IRAK3: variants seen among roughly 807,000 people sequenced by gnomAD.
The protein encoded by IRAK3 is interleukin 1 receptor associated kinase 3.
In IRAK3, 57 loss-of-function variants were observed where a neutral mutation model predicts 56.6. That is an observed-to-expected ratio of 1.01 (90% CI 0.81 to 1.26). The LOEUF is 1.26. IRAK3 is among the 50% of genes most tolerant of loss of function. The probability of loss-of-function intolerance (pLI) is 0.00; values close to 1 mark genes in which losing one functional copy is unlikely to be tolerated. For missense variants in IRAK3, 703 were observed against 719.0 expected, an observed-to-expected ratio of 0.98 and a Z score of 0.25; for synonymous variants, 258 against 255.7, an observed-to-expected ratio of 1.01 and a Z score of -0.09.
rs2053048387 is a variant in IRAK3, at chr12:66,247,635, A to G, written c.1315-60A>G. 41 of 1,052,234 alleles carry G rather than the reference A, an allele frequency of 3.9e-5. No individual in the cohort carries two copies. The South Asian group carries it at 4.2e-4, about 11-fold the overall frequency. 65.2% of individuals were successfully genotyped at this position (1,052,234 alleles called of 1,614,324 possible). On this transcript the variant is annotated intron_variant, in intron 11 of 11. Coordinates refer to ENST00000261233, the MANE Select transcript of IRAK3 (RefSeq NM_007199.3). ...ATATTCTTTATAGGTAGAGTGATAAAAGGTAAAAGGAAAGATTATTCAAAC... is the reference window on the plus strand; with the variant it reads ...ATATTCTTTATAGGTAGAGTGATAAGAGGTAAAAGGAAAGATTATTCAAAC...
At chr12:66,212,351 G>T (rs2052621154) in intron 5 of IRAK3, among the ~76,000 whole-genome samples, 1 of 152,164 alleles carries the variant, frequency 6.6e-6, no homozygotes, top group Admixed American at 6.5e-5. Flanking sequence ...AACAGAGTAG[G>T]AGGTCAGAAG....
At position 66,204,778 on chromosome 12, in the gene IRAK3, G is replaced by GCACACA. The variant is rs59511601; in HGVS notation, c.316+922_316+927dup. Among the ~76,000 whole-genome samples, 1,357 of 147,870 alleles carry GCACACA rather than the reference G, an allele frequency of 9.2e-3. 13 individuals carry two copies. Among genetic ancestry groups the GCACACA allele is most frequent in the South Asian group, 0.036 (164 of 4,570 alleles). On this transcript the variant is annotated intron_variant, in intron 2 of 11. Coordinates refer to ENST00000261233, the MANE Select transcript of IRAK3 (RefSeq NM_007199.3). ...ATATTTAGTGCGCATGAGCCCTTGCGCACACACACACACACACACACACAC... is the reference window on the plus strand; with the variant it reads ...ATATTTAGTGCGCATGAGCCCTTGCGCACACACACACACACACACACACACACACAC...
At chr12:66,227,068 C>G (rs188717932) in intron 7 of IRAK3, among the ~76,000 whole-genome samples, 17 of 152,258 alleles carry the variant, frequency 1.1e-4, no homozygotes, top group Admixed American at 1.1e-3. Flanking sequence ...ATGTTGGGTT[C>G]TTACTCATTA....
intron 7 of IRAK3, 94 bp downstream of exon 7, chr12:66,226,931 T>C: frequency 1.3e-6 from 1 of 785,594 alleles, no homozygotes; most frequent in South Asian, 1.4e-5. Flanking sequence ...AGGCAAGATG[T>C]GTTTGCATGA....
chr12:66,217,650 A>G (rs958295871), intron 6 of IRAK3, among the ~76,000 whole-genome samples: 1 of 152,028 alleles, frequency 6.6e-6, no homozygotes, highest in Non-Finnish European at 1.5e-5. Flanking sequence ...TGTGCATATT[A>G]TTTTTCTGGA....
intron 8 of IRAK3, among the ~76,000 whole-genome samples, chr12:66,241,324 G>A (rs975907362): frequency 6.6e-6 from 1 of 152,146 alleles, no homozygotes; most frequent in East Asian, 1.9e-4. Context: ...CCATGGATAT[G>A]GGTCAAAGAT....
chr12:66,225,047 C>T (rs545615878), intron 6 of IRAK3, among the ~76,000 whole-genome samples: 6 of 152,176 alleles, frequency 3.9e-5, no homozygotes, highest in Middle Eastern at 3.4e-3. Flanking sequence ...CTAAAGTATC[C>T]GTTTTTCTGT....
intron 8 of IRAK3, chr12:66,235,216 C>G: frequency 6.2e-7 from 1 of 1,611,972 alleles, no homozygotes; most frequent in Non-Finnish European, 8.5e-7. Flanking sequence ...GGACCAGAGA[C>G]TGCTGCTTGC....
At chr12:66,208,093 T>G (rs1273654491) in intron 2 of IRAK3, among the ~76,000 whole-genome samples, 1 of 152,238 alleles carries the variant, frequency 6.6e-6, no homozygotes, top group Non-Finnish European at 1.5e-5. Flanking sequence ...GCTTTCTTGC[T>G]AGTTTTCTAA....
At chr12:66,243,543 A>G (rs1347737999) in intron 8 of IRAK3, among the ~76,000 whole-genome samples, 3 of 152,198 alleles carry the variant, frequency 2.0e-5, no homozygotes, top group Non-Finnish European at 4.4e-5. Context: ...CCTCCTTCTC[A>G]ATATCCATCT....
chr12:66,200,034 G>T (rs1266922805), intron 1 of IRAK3, among the ~76,000 whole-genome samples: 1 of 152,188 alleles, frequency 6.6e-6, no homozygotes, highest in Non-Finnish European at 1.5e-5. Flanking sequence ...ACTCAATGAT[G>T]TCAGACATTT....
intron 5 of IRAK3, among the ~76,000 whole-genome samples, chr12:66,213,716 C>T (rs780077703): frequency 6.0e-5 from 9 of 150,800 alleles, no homozygotes; most frequent in East Asian, 1.9e-4. Context: ...TGTGTGGGAA[C>T]GCCTTACTTT....
In IRAK3 at chr12:66,210,155, C is replaced by T; in HGVS notation, c.390C>T (p.Ala130=). 1 of 1,595,022 alleles carries T rather than the reference C, an allele frequency of 6.3e-7. No homozygotes were observed. The highest frequency in any genetic ancestry group is 8.6e-7 in the Non-Finnish European group (1 of 1,162,786). ...TATATTTCTTCTCTTAGGAAACAGCCAATGTCACCGTGGATAATGTTCTTA... is the reference window on the plus strand; with the variant it reads ...TATATTTCTTCTCTTAGGAAACAGCTAATGTCACCGTGGATAATGTTCTTA... ...GFPNILFKET[A]NVTVDNVLIP... is the part of the protein sequence containing the mutation. Residue 130 remains alanine, a synonymous_variant, in exon 4 of 12, where the codon GCC becomes GCT. Transcript: ENST00000261233.
intron 6 of IRAK3, among the ~76,000 whole-genome samples, chr12:66,223,760 C>T (rs943416419): frequency 1.3e-5 from 2 of 149,376 alleles, no homozygotes; most frequent in Admixed American, 1.3e-4. Flanking sequence ...GTCACCTAGG[C>T]TGGGGTGCAG....
At chr12:66,189,475 C>T in intron 1 of IRAK3, 43 bp downstream of exon 1, 2 of 1,136,168 alleles carry the variant, frequency 1.8e-6, no homozygotes, top group Non-Finnish European at 2.2e-6. Context: ...GGGAGCCCAG[C>T]GCGCCGCGGG....
At chr12:66,202,637 C>T (rs2136918444) in intron 1 of IRAK3, among the ~76,000 whole-genome samples, 1 of 151,374 alleles carries the variant, frequency 6.6e-6, no homozygotes, top group Middle Eastern at 3.4e-3. Flanking sequence ...AAAAAACCCA[C>T]ACAAATACAA....
In IRAK3 at chr12:66,248,220, G is replaced by A. The variant is rs1269621896; in HGVS notation, c.*49G>A. On this transcript the variant is annotated 3_prime_UTR_variant, in exon 12 of 12. Coordinates refer to ENST00000261233, the MANE Select transcript of IRAK3 (RefSeq NM_007199.3). ...AAGCAAGTATTGCATAGGCACCTGA[G>A]CATAGGTATGACCTTGGGAAGACAT... 1.5e-6 allele frequency: 2 copies of A among 1,340,840 alleles called. No homozygotes were observed. Among genetic ancestry groups the A allele is most frequent in the Non-Finnish European group, 2.1e-6 (2 of 933,676 alleles). The allele number at this position is 1,340,840 out of a possible 1,614,324, so 83.1% of individuals were successfully genotyped here. A position where few individuals can be genotyped will look rare whatever the true frequency, so the allele number is the denominator to read the frequency against.
intron 2 of IRAK3, 28 bp downstream of exon 2, chr12:66,203,921 C>CTTATAATCCT: frequency 6.3e-7 from 1 of 1,575,550 alleles, no homozygotes; most frequent in Non-Finnish European, 8.7e-7. Context: ...TAATGTGGCT[C>CTTATAATCCT]TTAATCTGTA....
rs1285286182 is a variant in IRAK3, at chr12:66,250,232, A to G, written c.*2061A>G. 2 of 152,224 alleles carry G rather than the reference A, an allele frequency of 1.3e-5. No homozygotes were observed. Among genetic ancestry groups the G allele is most frequent in the Non-Finnish European group, 2.9e-5 (2 of 68,036 alleles). The allele number at this position is 152,224 out of a possible 1,614,324, so 9.4% of individuals were successfully genotyped here. On this transcript the variant is annotated 3_prime_UTR_variant, in exon 12 of 12. Coordinates refer to ENST00000261233, the MANE Select transcript of IRAK3 (RefSeq NM_007199.3). Reference sequence around the variant, plus strand: ...TTCCTCTCCAAGGAGCTTGTAATAGAAGGGTAAACCTCTAGTTTCTTGTCC... The same window carrying G: ...TTCCTCTCCAAGGAGCTTGTAATAGGAGGGTAAACCTCTAGTTTCTTGTCC...
Sources: allele counts gnomAD v4.1 joint callset (sites outside exome capture counted in the v4.1 genomes callset), GRCh38; gene constraint gnomAD v4.1.1; transcripts MANE v1.5; gene names NCBI Gene and HGNC (gene_info 2026-07-23, HGNC 2026-07-21).